Variants in N4BP2 observed in about 807,000 individuals in gnomAD.
N4BP2 encodes NEDD4-binding protein 2.
A neutral mutation model predicts 152.8 loss-of-function variants in N4BP2; 91 were observed. That is an observed-to-expected ratio of 0.60 (90% CI 0.50 to 0.71). The LOEUF is 0.71. Among genes scored for constraint, N4BP2 ranks in the 30% least tolerant of loss-of-function variants. The probability of loss-of-function intolerance (pLI) is 0.00; values close to 1 mark genes in which losing one functional copy is unlikely to be tolerated. For synonymous variants in N4BP2, 646 were observed against 705.3 expected, an observed-to-expected ratio of 0.92 and a Z score of 1.33; for missense variants, 1,923 against 2,059.1, an observed-to-expected ratio of 0.93 and a Z score of 1.28.
chr4:40,122,330 CAT>C lies in N4BP2; in HGVS notation c.4198+22_4198+23del, dbSNP rs756847373. On this transcript the variant is annotated intron_variant, in intron 9 of 17. Transcript: ENST00000261435. Reference sequence around the variant, plus strand: ...TTCAGGTAAGGAAAAAGTAAATGACCATGTGTGTGTCTTTGTGTGACTAGACT... The same window carrying C: ...TTCAGGTAAGGAAAAAGTAAATGACCGTGTGTGTCTTTGTGTGACTAGACT... The C allele has an allele frequency of 6.1e-6, 9 of 1,474,448 alleles. No homozygotes were observed. The Middle Eastern group carries it at 8.9e-4, about 146-fold the overall frequency. 91.3% of individuals were successfully genotyped at this position (1,474,448 alleles called of 1,614,324 possible).
chr4:40,165,460 G>A, the N4BP2 span, among the ~76,000 whole-genome samples: 1 of 152,140 alleles, frequency 6.6e-6, no homozygotes. Context: ...TGTTGGCCAG[G>A]CTGGTCTTGA....
chr4:40,139,441 A>G (rs1359456156), intron 14 of N4BP2, among the ~76,000 whole-genome samples: 1 of 151,406 alleles, frequency 6.6e-6, no homozygotes, highest in African/African-American at 2.4e-5. Flanking sequence ...TATTACAAAT[A>G]CATAGACATG....
rs772972801 is a variant in N4BP2 at position 40,154,207 on chromosome 4, A to G, written c.5283A>G (p.Lys1761=). 6 of 1,602,862 alleles carry G rather than the reference A, an allele frequency of 3.7e-6. No individual in the cohort carries two copies. Among genetic ancestry groups the G allele is most frequent in the Non-Finnish European group, 4.3e-6 (5 of 1,175,112 alleles). The change falls in exon 18 of 18, where the codon AAA becomes AAG. Residue 1761 remains lysine (K), a synonymous_variant. Coordinates refer to ENST00000261435, the MANE Select transcript of N4BP2 (RefSeq NM_018177.6). ...ATTTCTGCAGGTTCTCTGAAATTAA[A>G]CCAGGGTGCTTGAAAGTCATGCTAA... is the stretch of plus-strand genomic sequence containing the variant. ...ISHSFRFSEI[K]PGCLKVMLK
At chr4:40,111,377 A>G (rs890143578) in intron 5 of N4BP2, among the ~76,000 whole-genome samples, 7 of 151,122 alleles carry the variant, frequency 4.6e-5, no homozygotes, top group African/African-American at 1.7e-4. Context: ...CTGGAGTACA[A>G]TGGCGTGGTC....
At chr4:40,168,729 T>C in the N4BP2 span, among the ~76,000 whole-genome samples, 1 of 151,950 alleles carries the variant, frequency 6.6e-6, no homozygotes, top group Non-Finnish European at 1.5e-5. Flanking sequence ...TTCTTTTTTC[T>C]TCTTTTTTTT....
chr4:40,082,148 C>T lies in N4BP2; in HGVS notation c.-115+8597C>T, dbSNP rs7683647. 6.9e-3 allele frequency among the ~76,000 whole-genome samples: 1,048 copies of T among 151,766 alleles called. 5 individuals are homozygous for T. The highest frequency in any genetic ancestry group is 9.5e-3 in the Non-Finnish European group (642 of 67,892). ...AAAATAAATTGGGTGTGGTAGCGAGCGCCTGTAGTCCCAGCAAACTGGGAG... is the reference window on the plus strand; with the variant it reads ...AAAATAAATTGGGTGTGGTAGCGAGTGCCTGTAGTCCCAGCAAACTGGGAG... On this transcript the variant is annotated intron_variant, in intron 2 of 17. Transcript: ENST00000261435.
intron 15 of N4BP2, among the ~76,000 whole-genome samples, chr4:40,144,296 C>G (rs1213540937): frequency 6.6e-6 from 1 of 152,148 alleles, no homozygotes; most frequent in East Asian, 1.9e-4. Context: ...CAATGCTTCA[C>G]CAGCCATCTA....
intron 2 of N4BP2, among the ~76,000 whole-genome samples, chr4:40,092,632 T>C (rs905835319): frequency 7.1e-6 from 1 of 141,714 alleles, no homozygotes; most frequent in East Asian, 2.0e-4. Flanking sequence ...TGTTATCTGC[T>C]ATTTATTATT....
chr4:40,121,964 T>A lies in N4BP2; in HGVS notation c.3853T>A (p.Ser1285Thr). The A allele has an allele frequency of 2.6e-6, 4 of 1,559,430 alleles. No homozygotes were observed. The South Asian group carries it at 4.8e-5, about 19-fold the overall frequency. ...GDNIHSPSHF[S>T]DIFNFVSSTS... ...CAACATACATTCTCCTTCACATTTC[T>A]CTGATATTTTTAACTTTGTATCTAG... Residue 1285 changes from serine to threonine, a missense_variant, in exon 9 of 18, where the codon TCT becomes ACT. Transcript: ENST00000261435.
rs144702681 is a variant in N4BP2, at chr4:40,110,211, A to G, written c.1499-1873A>G. On this transcript the variant is annotated intron_variant, in intron 5 of 17. Coordinates refer to ENST00000261435, the MANE Select transcript of N4BP2 (RefSeq NM_018177.6). ...TGGATATATCACATTTTATTAATCT[A>G]TTCATCAGTTAATAGACATTTGAGT... 7.2e-4 allele frequency among the ~76,000 whole-genome samples: 109 copies of G among 152,314 alleles called. 1 individual carries two copies. The highest frequency in any genetic ancestry group is 2.3e-3 in the African/African-American group (96 of 41,582).
chr4:40,104,187 C>T (rs777273929), intron 4 of N4BP2, among the ~76,000 whole-genome samples: 5 of 151,674 alleles, frequency 3.3e-5, no homozygotes, highest in Non-Finnish European at 2.9e-5. Flanking sequence ...TTCCTGACCT[C>T]GTGATCCACC....
At chr4:40,166,682 T>G in the N4BP2 span, 1 of 151,334 alleles carries the variant, frequency 6.6e-6, no homozygotes, top group African/African-American at 2.4e-5. Context: ...ACAGTGAAAC[T>G]CCATCTAAAA....
chr4:40,068,560 T>G (rs944039133), intron 1 of N4BP2, among the ~76,000 whole-genome samples: 1 of 152,220 alleles, frequency 6.6e-6, no homozygotes, highest in Non-Finnish European at 1.5e-5. Context: ...ATATCATTTG[T>G]TGAAGAGACT....
intron 1 of N4BP2, among the ~76,000 whole-genome samples, chr4:40,062,479 T>C (rs1455260789): frequency 6.6e-6 from 1 of 152,138 alleles, no homozygotes; most frequent in Non-Finnish European, 1.5e-5. Flanking sequence ...CCACTGTAGC[T>C]AGAGTAATCT....
At chr4:40,185,803 C>T in the N4BP2 span, among the ~76,000 whole-genome samples, 1 of 152,020 alleles carries the variant, frequency 6.6e-6, no homozygotes, top group Non-Finnish European at 1.5e-5. Context: ...AAAAAATGCA[C>T]AGCTACAATA....
At chr4:40,083,979 G>T (rs959720350) in intron 2 of N4BP2, among the ~76,000 whole-genome samples, 1 of 152,198 alleles carries the variant, frequency 6.6e-6, no homozygotes, top group African/African-American at 2.4e-5. Context: ...CATTCATTCA[G>T]ACGGGGTCTC....
At position 40,155,394 on chromosome 4, in the gene N4BP2, C is replaced by G. The variant is rs1721518456; in HGVS notation, c.*1157C>G. 6.9e-6 allele frequency: 1 copy of G among 144,890 alleles called. No homozygotes were observed. Among genetic ancestry groups the G allele is most frequent in the African/African-American group, 2.6e-5 (1 of 39,118 alleles). 9.0% of individuals were successfully genotyped at this position (144,890 alleles called of 1,614,324 possible). ...CCTGGGTGACAGAGCAAGACTCCGT[C>G]TCCAAAAAAAAAAAAGAAAAAAAAG... On this transcript the variant is annotated 3_prime_UTR_variant, in exon 18 of 18. Coordinates refer to ENST00000261435, the MANE Select transcript of N4BP2 (RefSeq NM_018177.6).
chr4:40,144,806 A>C lies in N4BP2; in HGVS notation c.5143+6A>C, dbSNP rs1479793514. On this transcript the variant is annotated splice_donor_region_variant and intron_variant, in intron 16 of 17. Transcript: ENST00000261435. ...TTTAGAGAAGAAGACTGAAGGTAGG[A>C]CTGTGGTAATCACAAGTTTTCAATA... 2 of 1,595,440 alleles carry C rather than the reference A, an allele frequency of 1.3e-6. No homozygotes were observed. Among genetic ancestry groups the C allele is most frequent in the South Asian group, 1.1e-5 (1 of 88,068 alleles).
intron 3 of N4BP2, among the ~76,000 whole-genome samples, chr4:40,100,971 C>A (rs1177186592): frequency 1.2e-4 from 19 of 152,164 alleles, no homozygotes; most frequent in South Asian, 6.2e-4. Context: ...GGACTCCTCC[C>A]AATTTCACCC....
Sources: allele counts gnomAD v4.1 joint callset (sites outside exome capture counted in the v4.1 genomes callset), GRCh38; gene constraint gnomAD v4.1.1; transcripts MANE v1.5; gene names NCBI Gene and HGNC (gene_info 2026-07-23, HGNC 2026-07-21).